Variants in DNAH14 observed in about 807,000 individuals in gnomAD.
DNAH14 encodes dynein axonemal heavy chain 14.
A neutral mutation model predicts 520.9 loss-of-function variants in DNAH14; 478 were observed. The observed-to-expected ratio is 0.92, with a 90% confidence interval of 0.85 to 0.99. The LOEUF is 0.99. Ranked by LOEUF, DNAH14 falls within the 50% of genes least tolerant of loss-of-function variation. The probability of loss-of-function intolerance (pLI) is 0.00; values close to 1 mark genes in which losing one functional copy is unlikely to be tolerated. For synonymous variants in DNAH14, 1,581 were observed against 1,757.2 expected (o/e 0.90, Z 2.51); for missense variants, 4,831 against 5,234.5 (o/e 0.92, Z 2.38).
intron 17 of DNAH14, among the ~76,000 whole-genome samples, chr1:225,076,381 T>C (rs3105556): frequency 0.8 from 121,315 of 152,130 alleles, 51,744 homozygotes; most frequent in Non-Finnish European, 0.96. Flanking sequence ...ATTGTCCTTC[T>C]TTCTGTCTTC....
At chr1:225,230,180 TATAATC>T (rs1437442797) in intron 41 of DNAH14, among the ~76,000 whole-genome samples, 1 of 152,130 alleles carries the variant, frequency 6.6e-6, no homozygotes, top group Non-Finnish European at 1.5e-5. Context: ...CAGAATTACT[TATAATC>T]ATAAAACAAC....
chr1:225,002,322 C>T (rs1413490034), intron 8 of DNAH14, among the ~76,000 whole-genome samples: 1 of 152,008 alleles, frequency 6.6e-6, no homozygotes, highest in African/African-American at 2.4e-5. Flanking sequence ...GAAAAGGGCC[C>T]ATCTTCTTTA....
At chr1:224,985,958 T>A (rs2062606627) in intron 8 of DNAH14, among the ~76,000 whole-genome samples, 1 of 150,848 alleles carries the variant, frequency 6.6e-6, no homozygotes, top group Non-Finnish European at 1.5e-5. Context: ...AAAAAAGAAG[T>A]TAAAAAAGAG....
chr1:225,228,318 G>C (rs1176484656), intron 41 of DNAH14, among the ~76,000 whole-genome samples: 1 of 152,150 alleles, frequency 6.6e-6, no homozygotes, highest in Non-Finnish European at 1.5e-5. Flanking sequence ...CCTTGAAGCT[G>C]CCTTGGAATA....
chr1:225,175,000 A>G (rs1386706102), intron 36 of DNAH14, among the ~76,000 whole-genome samples: 1 of 152,196 alleles, frequency 6.6e-6, no homozygotes, highest in East Asian at 1.9e-4. Flanking sequence ...TATGTTGAAC[A>G]ATCCTTTCAT....
chr1:225,203,466 A>G (rs1300783170), intron 38 of DNAH14, among the ~76,000 whole-genome samples: 1 of 152,206 alleles, frequency 6.6e-6, no homozygotes, highest in Non-Finnish European at 1.5e-5. Flanking sequence ...TGCCCCCAGC[A>G]TAGCTCTATT....
chr1:225,190,338 G>A lies in DNAH14; in HGVS notation c.5671-2358G>A, dbSNP rs148801668. ...ATTCACCCTTCTTCTTGTGTATGTC[G>A]ATCTGATAACTGAGTTGTTACTGAG... On this transcript the variant is annotated intron_variant, in intron 37 of 85. Transcript: ENST00000682510. Among the ~76,000 whole-genome samples the A allele has an allele frequency of 2.9e-3, 439 of 151,850 alleles. 2 individuals carry two copies. Among genetic ancestry groups the A allele is most frequent in the Middle Eastern group, 0.02 (6 of 294 alleles).
chr1:225,371,539 C>T (rs2095618830), intron 77 of DNAH14, among the ~76,000 whole-genome samples: 1 of 152,056 alleles, frequency 6.6e-6, no homozygotes, highest in South Asian at 2.1e-4. Context: ...CCATTATCAC[C>T]ACTGTCATTC....
At chr1:225,198,844 C>T (rs1313442166) in intron 38 of DNAH14, among the ~76,000 whole-genome samples, 2 of 152,098 alleles carry the variant, frequency 1.3e-5, no homozygotes, top group East Asian at 3.9e-4. Flanking sequence ...TAGGGTGATA[C>T]TGGCTTCATA....
At chr1:225,065,525 C>G (rs2070764620) in intron 17 of DNAH14, among the ~76,000 whole-genome samples, 1 of 151,722 alleles carries the variant, frequency 6.6e-6, no homozygotes, top group South Asian at 2.1e-4. Flanking sequence ...ATTTCCCCCA[C>G]CCATAGCCTT....
At chr1:225,211,588 A>G (rs2088419956) in intron 41 of DNAH14, among the ~76,000 whole-genome samples, 1 of 152,170 alleles carries the variant, frequency 6.6e-6, no homozygotes, top group South Asian at 2.1e-4. Flanking sequence ...CAAGATATCC[A>G]GAAGAACTTC....
chr1:225,237,099 G>T (rs1445717893), intron 42 of DNAH14, among the ~76,000 whole-genome samples: 1 of 151,998 alleles, frequency 6.6e-6, no homozygotes, highest in African/African-American at 2.4e-5. Flanking sequence ...TTGCACATGA[G>T]ATGAGTTTCT....
At chr1:224,945,279 T>A (rs929343062) in intron 1 of DNAH14, among the ~76,000 whole-genome samples, 1 of 152,228 alleles carries the variant, frequency 6.6e-6, no homozygotes, top group East Asian at 1.9e-4. Context: ...TTCCAGTTGA[T>A]CGAATCGGCT....
chr1:225,352,954 G>A (rs1483955221), intron 72 of DNAH14, among the ~76,000 whole-genome samples: 3 of 151,904 alleles, frequency 2.0e-5, no homozygotes, highest in Non-Finnish European at 1.5e-5. Flanking sequence ...TTATTATACT[G>A]TAAGAGTCAG....
chr1:225,351,594 TA>T, intron 71 of DNAH14, 52 bp from the exon 72 acceptor site: 3 of 1,341,280 alleles, frequency 2.2e-6, no homozygotes, highest in African/African-American at 1.5e-5. Context: ...AATGAATAAC[TA>T]AAAGGTAAAG....
intron 38 of DNAH14, among the ~76,000 whole-genome samples, chr1:225,195,983 C>T (rs920237592): frequency 3.0e-4 from 45 of 152,036 alleles, no homozygotes; most frequent in African/African-American, 1.1e-3. Flanking sequence ...AACCCACAGT[C>T]TCACATTTTT....
intron 43 of DNAH14, among the ~76,000 whole-genome samples, chr1:225,248,973 A>G (rs971313109): frequency 1.3e-5 from 2 of 152,334 alleles, no homozygotes. Flanking sequence ...TCCAGTGCTC[A>G]TTTCCCCAGC....
intron 8 of DNAH14, among the ~76,000 whole-genome samples, chr1:224,987,397 G>A (rs1410652826): frequency 2.0e-5 from 3 of 152,152 alleles, no homozygotes; most frequent in Admixed American, 2.0e-4. Flanking sequence ...GATTGGATGA[G>A]GCCTGTCTCA....
chr1:225,148,968 T>G (rs1197858492), intron 31 of DNAH14, among the ~76,000 whole-genome samples: 1 of 152,220 alleles, frequency 6.6e-6, no homozygotes, highest in Non-Finnish European at 1.5e-5. Context: ...ATTTGTCAAT[T>G]TTTGCTTTTG....
Sources: gnomAD v4.1 joint callset for allele counts (sites outside exome capture counted in the v4.1 genomes callset) on GRCh38, gnomAD v4.1.1 for gene constraint, MANE v1.5 for transcripts, NCBI Gene and HGNC (gene_info 2026-07-23, HGNC 2026-07-21) for gene names.